SOS1: variants seen among roughly 807,000 people sequenced by gnomAD.
SOS1 encodes SOS Ras/Rac guanine nucleotide exchange factor 1.
SOS1 carries 25 observed loss-of-function variants against 157.6 expected under a neutral mutation model. The observed-to-expected ratio is 0.16, with a 90% CI of 0.12 to 0.22. SOS1 has a LOEUF of 0.22. Ranked by LOEUF, SOS1 falls within the 10% of genes least tolerant of loss-of-function variation. The pLI is 1.00. For synonymous variants in SOS1, 528 were observed against 534.0 expected (o/e 0.99, Z 0.16); for missense variants, 1,237 against 1,599.1 (o/e 0.77, Z 3.86).
intron 1 of SOS1, among the ~76,000 whole-genome samples, chr2:39,109,680 T>G (rs1673338624): frequency 6.6e-6 from 1 of 152,212 alleles, no homozygotes. Context: ...TCATAACATC[T>G]TGTGCAGTTT....
chr2:39,056,698 C>T lies in SOS1; in HGVS notation c.510+4G>A. 6.3e-7 allele frequency: 1 copy of T among 1,592,682 alleles called. No individual in the cohort carries two copies. Among genetic ancestry groups the T allele is most frequent in the Non-Finnish European group, 8.6e-7 (1 of 1,160,770 alleles). On this transcript the variant is annotated splice_donor_region_variant and intron_variant, in intron 4 of 22. Transcript: ENST00000402219. ...GAAAAAAATAGAAAAGCTCAGTTTC[C>T]TACCTTGTCAGCACACATTGCCACT...
chr2:39,105,103 T>A (rs1264629484), intron 1 of SOS1, among the ~76,000 whole-genome samples: 1 of 152,164 alleles, frequency 6.6e-6, no homozygotes, highest in Admixed American at 6.6e-5. Context: ...ACAAAACATC[T>A]ATGAATTAAT....
intron 1 of SOS1, among the ~76,000 whole-genome samples, chr2:39,086,412 G>A (rs977378183): frequency 6.6e-6 from 1 of 152,106 alleles, no homozygotes; most frequent in African/African-American, 2.4e-5. Flanking sequence ...AAGTGGGAGA[G>A]GGAACAAGAG....
intron 2 of SOS1, among the ~76,000 whole-genome samples, chr2:39,061,249 TAAAAA>T (rs68086036): frequency 5.5e-4 from 64 of 117,424 alleles, no homozygotes; most frequent in African/African-American, 1.6e-3. Flanking sequence ...TTCGTAGGGT[TAAAAA>T]AAAAAAAAAA....
chr2:39,057,692 T>G (rs1409550530), intron 3 of SOS1, among the ~76,000 whole-genome samples: 2 of 152,096 alleles, frequency 1.3e-5, no homozygotes, highest in Non-Finnish European at 2.9e-5. Flanking sequence ...ATTAACATAA[T>G]ATTTATATAC....
chr2:39,087,553 T>C (rs1672423752), intron 1 of SOS1, among the ~76,000 whole-genome samples: 1 of 152,266 alleles, frequency 6.6e-6, no homozygotes, highest in Admixed American at 6.5e-5. Context: ...TGACTTTATC[T>C]GTATGATCTT....
At chr2:39,014,426 C>T (rs534551279) in intron 11 of SOS1, among the ~76,000 whole-genome samples, 1 of 152,096 alleles carries the variant, frequency 6.6e-6, no homozygotes, top group African/African-American at 2.4e-5. Context: ...TGACAAGTTC[C>T]ATTTTACTCA....
Position 38,982,609 on chromosome 2 carries a change from CTGTT to C in SOS1, c.*3211_*3214del, listed in dbSNP as rs1358914475. 1 of 152,114 alleles carries C rather than the reference CTGTT, an allele frequency of 6.6e-6. No individual in the cohort carries two copies. Among genetic ancestry groups the C allele is most frequent in the Non-Finnish European group, 1.5e-5 (1 of 67,996 alleles). The allele number at this position is 152,114 out of a possible 1,614,324, so 9.4% of individuals were successfully genotyped here. A position where few individuals can be genotyped will look rare whatever the true frequency, so the allele number is the denominator to read the frequency against. On this transcript the variant is annotated 3_prime_UTR_variant, in exon 23 of 23. Transcript: ENST00000402219. ...GAATACCAAGAAATAAATGGTTAAA[CTGTT>C]TCTTTCTAAATCTGAAGGAACAAAA...
chr2:39,044,841 T>C (rs1429350989), intron 6 of SOS1, among the ~76,000 whole-genome samples: 1 of 129,610 alleles, frequency 7.7e-6, no homozygotes, highest in Non-Finnish European at 1.6e-5. Flanking sequence ...GATGACTGTG[T>C]ACACACACAT....
chr2:39,027,622 T>A (rs1448639513), intron 8 of SOS1, among the ~76,000 whole-genome samples: 1 of 152,194 alleles, frequency 6.6e-6, no homozygotes, highest in East Asian at 1.9e-4. Flanking sequence ...AGTATGTAAA[T>A]GAGACTCAAC....
intron 21 of SOS1, 148 bp from the exon 22 acceptor site, chr2:38,987,739 T>C (rs1558455978): frequency 1.6e-6 from 1 of 622,864 alleles, no homozygotes. Flanking sequence ...CCGAATAGTA[T>C]TTCATTAAAG....
At chr2:39,050,421 G>C (rs1232252864) in intron 6 of SOS1, among the ~76,000 whole-genome samples, 1 of 152,102 alleles carries the variant, frequency 6.6e-6, no homozygotes, top group East Asian at 1.9e-4. Flanking sequence ...TACTGAGTAA[G>C]CTTACTATGT....
intron 20 of SOS1, among the ~76,000 whole-genome samples, chr2:38,992,105 A>C (rs151099727): frequency 6.6e-6 from 1 of 152,296 alleles, no homozygotes; most frequent in Non-Finnish European, 1.5e-5. Context: ...GAAACAAGGA[A>C]ATAGGTATTC....
At chr2:39,037,024 A>G (rs1670379335) in intron 6 of SOS1, among the ~76,000 whole-genome samples, 1 of 152,228 alleles carries the variant, frequency 6.6e-6, no homozygotes, top group Non-Finnish European at 1.5e-5. Context: ...ATCAGAAATC[A>G]GAAGACGTGA....
intron 1 of SOS1, among the ~76,000 whole-genome samples, chr2:39,108,630 T>C (rs1673298896): frequency 6.6e-6 from 1 of 152,178 alleles, no homozygotes; most frequent in African/African-American, 2.4e-5. Flanking sequence ...GGCTCACTCC[T>C]GTAATCCCAG....
chr2:39,063,294 A>G (rs1671474712), intron 2 of SOS1, among the ~76,000 whole-genome samples: 1 of 151,582 alleles, frequency 6.6e-6, no homozygotes, highest in Non-Finnish European at 1.5e-5. Context: ...CGCAACATTT[A>G]CTTTTTATTA....
chr2:39,020,925 G>A (rs1669775160), intron 10 of SOS1, among the ~76,000 whole-genome samples: 1 of 151,270 alleles, frequency 6.6e-6, no homozygotes, highest in South Asian at 2.1e-4. Flanking sequence ...CCACAACACT[G>A]GCCTTTTATT....
upstream of SOS1, chr2:39,124,469 CGCG>C (rs909880524): frequency 6.6e-6 from 1 of 152,244 alleles, no homozygotes; most frequent in Non-Finnish European, 1.5e-5. Flanking sequence ...GAGTTCCGAG[CGCG>C]GCGCATCGGA....
rs140671228 is a variant in SOS1, at chr2:39,101,650, T to TA, written c.87+18685dup. Among the ~76,000 whole-genome samples, 764 of 151,048 alleles carry TA rather than the reference T, an allele frequency of 5.1e-3. 3 individuals carry two copies. Among genetic ancestry groups the TA allele is most frequent in the Middle Eastern group, 0.027 (8 of 294 alleles). Reference sequence around the variant, plus strand: ...TATAAGGAAATGTTTAAAATATACTTAAAAAAAAACAGAAAACAAACTAGC... The same window carrying TA: ...TATAAGGAAATGTTTAAAATATACTTAAAAAAAAAACAGAAAACAAACTAGC... On this transcript the variant is annotated intron_variant, in intron 1 of 22. Coordinates refer to ENST00000402219, the MANE Select transcript of SOS1 (RefSeq NM_005633.4).
Sources: gnomAD v4.1 joint callset for allele counts (sites outside exome capture counted in the v4.1 genomes callset) on GRCh38, gnomAD v4.1.1 for gene constraint, MANE v1.5 for transcripts, NCBI Gene and HGNC (gene_info 2026-07-23, HGNC 2026-07-21) for gene names.